The following CSMD1 variants were observed in gnomAD, a reference collection of about 807,000 sequenced individuals.
CSMD1 encodes CUB and sushi domain-containing protein 1.
Under a neutral mutation model 417.5 loss-of-function variants are expected in CSMD1, and 213 were observed. The ratio of observed to expected loss-of-function variants is 0.51; its 90% CI spans 0.46 to 0.57. The LOEUF is 0.57. Ranked by LOEUF, CSMD1 falls within the 20% of genes least tolerant of loss-of-function variation. The pLI is 0.00. For missense variants in CSMD1, 6,923 were observed against 4,529.7 expected (o/e 1.53, Z -15.17); for synonymous variants, 2,862 against 1,736.8 (o/e 1.65, Z -16.11).
intron 2 of CSMD1, among the ~76,000 whole-genome samples, chr8:4,485,183 G>C (rs965182882): frequency 8.5e-5 from 13 of 152,150 alleles, no homozygotes; most frequent in Non-Finnish European, 1.6e-4. Context: ...TGTATAAAGA[G>C]AGTGTCCTTA....
intron 3 of CSMD1, among the ~76,000 whole-genome samples, chr8:4,066,570 G>A (rs1425996198): frequency 6.6e-6 from 1 of 152,164 alleles, no homozygotes; most frequent in East Asian, 1.9e-4. Context: ...GTTACATGAT[G>A]TGGTAATTGT....
At chr8:4,298,686 T>C (rs1797815312) in intron 3 of CSMD1, among the ~76,000 whole-genome samples, 1 of 152,262 alleles carries the variant, frequency 6.6e-6, no homozygotes, top group East Asian at 1.9e-4. Context: ...TTCATTTACA[T>C]CTTCAGGCTA....
At chr8:3,744,862 C>T (rs770064518) in intron 6 of CSMD1, among the ~76,000 whole-genome samples, 2 of 152,078 alleles carry the variant, frequency 1.3e-5, no homozygotes, top group Non-Finnish European at 2.9e-5. Context: ...ATGCTCATCA[C>T]AGATAGAGTA....
chr8:4,010,792 C>A (rs974034804), intron 4 of CSMD1, among the ~76,000 whole-genome samples: 1 of 152,174 alleles, frequency 6.6e-6, no homozygotes, highest in Non-Finnish European at 1.5e-5. Flanking sequence ...CATAACTCTG[C>A]CATCATCACA....
At chr8:3,772,429 A>C (rs1286520554) in intron 5 of CSMD1, among the ~76,000 whole-genome samples, 3 of 130,916 alleles carry the variant, frequency 2.3e-5, no homozygotes, top group African/African-American at 9.5e-5. Flanking sequence ...ATACACATAT[A>C]TACATACATT....
chr8:3,148,948 A>G (rs1819018511), intron 40 of CSMD1, among the ~76,000 whole-genome samples: 1 of 152,224 alleles, frequency 6.6e-6, no homozygotes, highest in East Asian at 1.9e-4. Flanking sequence ...TAGGGATAAT[A>G]CTTTTCATGC....
chr8:3,182,891 TG>T (rs1585582069), intron 36 of CSMD1: 2 of 142,848 alleles, frequency 1.4e-5, no homozygotes, highest in African/African-American at 5.5e-5. Flanking sequence ...TGTGTGTGTG[TG>T]TGTGTATTGT....
chr8:3,414,519 A>G (rs1270239298), intron 12 of CSMD1, among the ~76,000 whole-genome samples: 2 of 152,048 alleles, frequency 1.3e-5, no homozygotes, highest in African/African-American at 4.8e-5. Flanking sequence ...GGGTCCTCTC[A>G]TCGCTCCCCA....
At chr8:3,572,543 C>G (rs1251676903) in intron 10 of CSMD1, among the ~76,000 whole-genome samples, 1 of 152,154 alleles carries the variant, frequency 6.6e-6, no homozygotes, top group Non-Finnish European at 1.5e-5. Context: ...CATAAAACTA[C>G]CTGGAACATA....
intron 48 of CSMD1, among the ~76,000 whole-genome samples, chr8:3,087,530 T>C (rs548158073): frequency 6.6e-6 from 1 of 152,316 alleles, no homozygotes; most frequent in Admixed American, 6.5e-5. Flanking sequence ...CTGAATACAG[T>C]ACTGTGAGAA....
At chr8:3,464,842 C>G (rs1009224169) in intron 12 of CSMD1, among the ~76,000 whole-genome samples, 5 of 152,050 alleles carry the variant, frequency 3.3e-5, no homozygotes, top group Non-Finnish European at 5.9e-5. Context: ...TGGTTTTAAA[C>G]AAAGCTTACC....
At chr8:4,666,483 A>T (rs1359754361) in intron 1 of CSMD1, among the ~76,000 whole-genome samples, 1 of 152,176 alleles carries the variant, frequency 6.6e-6, no homozygotes, top group African/African-American at 2.4e-5. Flanking sequence ...AGAGGCAAAA[A>T]GGTGAATTTT....
intron 12 of CSMD1, among the ~76,000 whole-genome samples, chr8:3,443,892 A>T (rs1815144550): frequency 6.6e-6 from 1 of 152,168 alleles, no homozygotes; most frequent in Non-Finnish European, 1.5e-5. Flanking sequence ...CTGTGTTGTA[A>T]GATACAGCAA....
intron 1 of CSMD1, among the ~76,000 whole-genome samples, chr8:4,983,073 C>T (rs1413877090): frequency 6.6e-6 from 1 of 152,176 alleles, no homozygotes; most frequent in Non-Finnish European, 1.5e-5. Flanking sequence ...AAAATGCAAA[C>T]ATCTCAGATA....
intron 1 of CSMD1, among the ~76,000 whole-genome samples, chr8:4,722,548 T>A (rs1809126895): frequency 6.6e-6 from 1 of 152,126 alleles, no homozygotes; most frequent in South Asian, 2.1e-4. Flanking sequence ...GGGGTAGAAC[T>A]TTCCAAATGC....
At chr8:4,316,555 T>G (rs1473969921) in intron 3 of CSMD1, among the ~76,000 whole-genome samples, 3 of 152,122 alleles carry the variant, frequency 2.0e-5, no homozygotes, top group African/African-American at 7.2e-5. Context: ...TTATATATAA[T>G]TAATAACTTT....
intron 5 of CSMD1, among the ~76,000 whole-genome samples, chr8:3,917,457 A>G (rs1425140085): frequency 1.3e-5 from 2 of 152,098 alleles, no homozygotes; most frequent in African/African-American, 2.4e-5. Flanking sequence ...GCGCGCACAA[A>G]TATGTTTCCT....
At chr8:3,267,259 G>C (rs375017597) in intron 26 of CSMD1, among the ~76,000 whole-genome samples, 4 of 152,208 alleles carry the variant, frequency 2.6e-5, no homozygotes, top group African/African-American at 9.6e-5. Flanking sequence ...TTGGAAGGAA[G>C]TGAAGGGAAA....
rs185989650 is a variant in CSMD1 at position 4,416,002 on chromosome 8, A to G, written c.415+3951T>C. ...TGCAGTTAACTACTTCACTTTCTCT[A>G]CGTGATAATAATAGATCACCTTATT... On this transcript the variant is annotated intron_variant, in intron 3 of 69. Coordinates refer to ENST00000635120, the MANE Select transcript of CSMD1 (RefSeq NM_033225.6). Among the ~76,000 whole-genome samples, 6 of 152,268 alleles carry G rather than the reference A, an allele frequency of 3.9e-5. No homozygotes were observed. In the East Asian group the frequency reaches 7.7e-4, roughly 20 times the overall value.
Sources: allele counts gnomAD v4.1 joint callset (sites outside exome capture counted in the v4.1 genomes callset), GRCh38; gene constraint gnomAD v4.1.1; transcripts MANE v1.5; gene names NCBI Gene and HGNC (gene_info 2026-07-23, HGNC 2026-07-21).